PCF11: variants seen among roughly 807,000 people sequenced by gnomAD.
PCF11 encodes the protein pre-mRNA cleavage complex 2 protein Pcf11.
A neutral mutation model predicts 166.1 loss-of-function variants in PCF11; 19 were observed. The ratio of observed to expected loss-of-function variants is 0.11; its 90% CI spans 0.08 to 0.17. The LOEUF (loss-of-function observed/expected upper bound fraction) is 0.17. PCF11 is among the 10% of genes least tolerant of loss of function. PCF11 has a pLI of 1.00. For missense variants in PCF11, 1,565 were observed against 1,855.5 expected, an observed-to-expected ratio of 0.84 and a Z score of 2.88; for synonymous variants, 663 against 644.1, an observed-to-expected ratio of 1.03 and a Z score of -0.44.
At chr11:83,161,586 TTTC>T (rs1860256239) in intron 2 of PCF11, 134 bp downstream of exon 2, 2 of 603,810 alleles carry the variant, frequency 3.3e-6, no homozygotes, top group Non-Finnish European at 5.4e-6. Flanking sequence ...GTTAGTACCA[TTTC>T]AAAGAAAGAG....
intron 2 of PCF11, among the ~76,000 whole-genome samples, chr11:83,163,235 G>A (rs2135418951): frequency 6.6e-6 from 1 of 152,276 alleles, no homozygotes; most frequent in East Asian, 1.9e-4. Flanking sequence ...GTATTGCTGA[G>A]CATTAGTTAG....
chr11:83,184,954 G>A (rs1861228748), exon 16 of PCF11: 1 of 1,218,358 alleles, frequency 8.2e-7, no homozygotes, highest in African/African-American at 1.6e-5. Flanking sequence ...TCTAGAAGGT[G>A]AAGAATTTTT....
intron 15 of PCF11, chr11:83,184,254 C>T (rs1322101986): frequency 1.3e-5 from 2 of 154,126 alleles, no homozygotes; most frequent in Non-Finnish European, 1.4e-5. Flanking sequence ...GGGTTGGAGG[C>T]AATTTGGAAG....
At chr11:83,174,454 A>C (rs796334077) in intron 9 of PCF11, among the ~76,000 whole-genome samples, 6 of 151,662 alleles carry the variant, frequency 4.0e-5, no homozygotes, top group African/African-American at 1.5e-4. Context: ...CCTGAACTCA[A>C]GCAATCCTCC....
At chr11:83,166,675 C>T in exon 5 of PCF11, 1 of 1,601,142 alleles carries the variant, frequency 6.2e-7, no homozygotes, top group Non-Finnish European at 8.5e-7. Flanking sequence ...AGTTCCAAGT[C>T]TGCCAAAAGA....
intron 15 of PCF11, 34 bp downstream of exon 15, chr11:83,183,107 T>C (rs773812256): frequency 4.8e-6 from 6 of 1,242,154 alleles, no homozygotes; most frequent in African/African-American, 4.6e-5. Context: ...TTTGTTCTCA[T>C]TTGCATTAAT....
At chr11:83,184,139 T>C (rs900755574) in intron 15 of PCF11, 2 of 123,902 alleles carry the variant, frequency 1.6e-5, no homozygotes, top group Non-Finnish European at 3.2e-5. Context: ...GCGACAAGAG[T>C]GAGCTCTGTC....
exon 5 of PCF11, chr11:83,166,040 A>C: frequency 1.9e-6 from 3 of 1,602,202 alleles, no homozygotes; most frequent in Non-Finnish European, 2.5e-6. Flanking sequence ...TATCTCACAC[A>C]AAAGACTTGA....
rs898867458 is a variant in PCF11 at position 83,157,766 on chromosome 11, A to C, written c.192+135A>C. The stretch of plus-strand genomic sequence containing the variant: ...CAACCCCCCCACCCCCCTCCAACTC[A>C]GGCTCGGTCTTTGGCCCAGGCTTCG... On this transcript the variant is annotated intron_variant, in intron 1 of 15. Transcript: ENST00000298281. 3.8e-6 allele frequency: 3 copies of C among 783,250 alleles called. No individual in the cohort carries two copies. In the African/African-American group the frequency reaches 5.2e-5, roughly 14 times the overall value. 48.5% of individuals were successfully genotyped at this position (783,250 alleles called of 1,614,324 possible).
chr11:83,177,071 CT>C lies in PCF11; in HGVS notation c.3758-6del, dbSNP rs755217300. Reference sequence around the variant, plus strand: ...CAAAAGTGGTTTTTTTTCTTTCTTTCTTTTTTTTGTTAGGAGCCCTCCCTAA... The same window carrying C: ...CAAAAGTGGTTTTTTTTCTTTCTTTCTTTTTTTGTTAGGAGCCCTCCCTAA... On this transcript the variant is annotated splice_polypyrimidine_tract_variant and intron_variant, in intron 9 of 15. Transcript: ENST00000298281. The C allele has an allele frequency of 1.0e-4, 143 of 1,435,986 alleles. No individual in the cohort carries two copies. The highest frequency in any genetic ancestry group is 3.8e-4 in the South Asian group (25 of 65,674). The allele number at this position is 1,435,986 out of a possible 1,614,324, so 89.0% of individuals were successfully genotyped here.
intron 4 of PCF11, 56 bp downstream of exon 4, chr11:83,164,457 G>A (rs1860374410): frequency 7.9e-7 from 1 of 1,264,964 alleles, no homozygotes; most frequent in South Asian, 1.4e-5. Flanking sequence ...CAATAGGGAA[G>A]TAATGTTTAT....
intron 15 of PCF11, chr11:83,184,438 T>C (rs979212277): frequency 5.9e-5 from 25 of 424,120 alleles, no homozygotes; most frequent in African/African-American, 5.3e-4. Context: ...TTTTTGGCTG[T>C]ATAATGTCCT....
At chr11:83,179,153 A>G (rs1319793755) in intron 11 of PCF11, among the ~76,000 whole-genome samples, 1 of 152,118 alleles carries the variant, frequency 6.6e-6, no homozygotes, top group Non-Finnish European at 1.5e-5. Context: ...GCTTTTAATA[A>G]AAGATGGCAT....
chr11:83,168,797 T>C (rs756384928), exon 8 of PCF11: 49 of 1,613,154 alleles, frequency 3.0e-5, no homozygotes, highest in Middle Eastern at 1.6e-4. Context: ...CCTTTGAGAT[T>C]TGAAGGTCCT....
chr11:83,179,822 T>TG lies in PCF11; in HGVS notation c.3984-1182dup, dbSNP rs375878139. ...ATCCCAGCTACTCGGGAGGCTGAGG[T>TG]GGGGAGAATTGCTTGAACCCAGGAG... On this transcript the variant is annotated intron_variant, in intron 11 of 15. Transcript: ENST00000298281. Among the ~76,000 whole-genome samples, 729 of 151,344 alleles carry TG rather than the reference T, an allele frequency of 4.8e-3. 8 individuals carry two copies. Among genetic ancestry groups the TG allele is most frequent in the African/African-American group, 0.017 (704 of 41,242 alleles).
In PCF11 at chr11:83,169,694, C is replaced by A. The variant is rs1402627004; in HGVS notation, c.3359C>A (p.Pro1120His). ...CAAGGCACAAGATTTGACAATCATC[C>A]TTCACAAAGGCTTGAATCAGTATCT... Residue 1120 changes from proline to histidine, a missense_variant, in exon 8 of 16, where the codon CCT (proline) becomes CAT (histidine). Pro to His is a moderately conservative substitution (Grantham distance 77). Coordinates refer to ENST00000298281, the Ensembl canonical transcript of PCF11. 1.9e-6 allele frequency: 3 copies of A among 1,613,752 alleles called. No homozygotes were observed. In the South Asian group the frequency reaches 3.3e-5, roughly 18 times the overall value.
chr11:83,166,436 A>G (rs1213536555), exon 5 of PCF11: 3 of 1,614,006 alleles, frequency 1.9e-6, no homozygotes, highest in East Asian at 2.2e-5. Flanking sequence ...TGTCTCCAAC[A>G]TCGACACCTA....
At position 83,168,402 on chromosome 11, in the gene PCF11, A is replaced by G. The variant is rs774631104; in HGVS notation, c.2093-26A>G. The G allele has an allele frequency of 1.1e-5, 17 of 1,538,574 alleles. No individual in the cohort carries two copies. The East Asian group carries it at 3.9e-4, about 35-fold the overall frequency. On this transcript the variant is annotated intron_variant, in intron 7 of 15. Coordinates refer to ENST00000298281, the Ensembl canonical transcript of PCF11. ...AGAAGATTTTAAGATAACTTTAGTGAAAATAATTTTTTTCCTTTTTAAAAG... is the reference window on the plus strand; with the variant it reads ...AGAAGATTTTAAGATAACTTTAGTGGAAATAATTTTTTTCCTTTTTAAAAG...
At chr11:83,183,068 C>A in exon 15 of PCF11, 1 of 1,470,836 alleles carries the variant, frequency 6.8e-7, no homozygotes, top group Non-Finnish European at 9.3e-7. Flanking sequence ...TGAAGATTAT[C>A]AAAATGTAAG....
Sources: allele counts gnomAD v4.1 joint callset (sites outside exome capture counted in the v4.1 genomes callset), GRCh38; gene constraint gnomAD v4.1.1; transcripts MANE v1.5; gene names NCBI Gene and HGNC (gene_info 2026-07-23, HGNC 2026-07-21).